Variants in PCDH15 observed in about 807,000 individuals in gnomAD.
PCDH15 encodes protocadherin related 15.
PCDH15 carries 129 observed loss-of-function variants against 178.5 expected under a neutral mutation model. That is an observed-to-expected ratio of 0.72 (90% CI 0.63 to 0.84). PCDH15 has a LOEUF of 0.84. Among genes scored for constraint, PCDH15 ranks in the 40% least tolerant of loss-of-function variants. The probability of loss-of-function intolerance (pLI) is 0.00; values close to 1 mark genes in which losing one functional copy is unlikely to be tolerated. For missense variants in PCDH15, 2,230 were observed against 2,099.9 expected (o/e 1.06, Z -1.21); for synonymous variants, 800 against 732.0 (o/e 1.09, Z -1.50).
chr10:54,521,405 T>C (rs1589865011), intron 3 of PCDH15, among the ~76,000 whole-genome samples: 2 of 152,252 alleles, frequency 1.3e-5, no homozygotes, highest in South Asian at 2.1e-4. Flanking sequence ...TCCTTGCCTG[T>C]CCCGAAGTAT....
chr10:54,642,722 T>C (rs2094020402), intron 2 of PCDH15, among the ~76,000 whole-genome samples: 1 of 152,198 alleles, frequency 6.6e-6, no homozygotes, highest in South Asian at 2.1e-4. Context: ...TTTTACATTG[T>C]TTTTTATACC....
intron 13 of PCDH15, among the ~76,000 whole-genome samples, chr10:54,178,807 A>G (rs1193741739): frequency 1.3e-5 from 2 of 152,198 alleles, no homozygotes; most frequent in Non-Finnish European, 2.9e-5. Flanking sequence ...GCCAAAAAAC[A>G]TGTGAAAAAA....
At chr10:55,516,437 G>T (rs533932669) in intron 2 of PCDH15, among the ~76,000 whole-genome samples, 1 of 152,026 alleles carries the variant, frequency 6.6e-6, no homozygotes, top group Non-Finnish European at 1.5e-5. Context: ...TGTAAAAATG[G>T]ACCAATACAC....
chr10:55,258,007 A>T (rs1842046446), intron 1 of PCDH15, among the ~76,000 whole-genome samples: 1 of 152,216 alleles, frequency 6.6e-6, no homozygotes, highest in Non-Finnish European at 1.5e-5. Flanking sequence ...GAAGCCCATC[A>T]GACTAACAGC....
intron 2 of PCDH15, among the ~76,000 whole-genome samples, chr10:54,937,351 A>G (rs1837933878): frequency 6.6e-6 from 1 of 152,046 alleles, no homozygotes; most frequent in Non-Finnish European, 1.5e-5. Flanking sequence ...CAAGAACAAA[A>G]AAAGCACTTT....
chr10:54,421,864 CACACACTAT>C lies in PCDH15; in HGVS notation c.158-42931_158-42923del, dbSNP rs1565231424. On this transcript the variant is annotated intron_variant, in intron 3 of 37. Transcript: ENST00000644397. ...CACACACACTATATATATATATATACACACACTATATATATATATACACACACACACTAT... is the reference window on the plus strand; with the variant it reads ...CACACACACTATATATATATATATACATATATATATACACACACACACTAT... Among the ~76,000 whole-genome samples the C allele has an allele frequency of 5.8e-4, 39 of 67,296 alleles. 3 individuals carry two copies. Among genetic ancestry groups the C allele is most frequent in the Middle Eastern group, 0.01 (1 of 98 alleles). The allele number at this position is 67,296 out of a possible 152,430, so 44.1% of individuals were successfully genotyped here. A position where few individuals can be genotyped will look rare whatever the true frequency, so the allele number is the denominator to read the frequency against.
chr10:54,647,343 G>A (rs139888323), intron 2 of PCDH15, among the ~76,000 whole-genome samples: 1 of 152,138 alleles, frequency 6.6e-6, no homozygotes, highest in East Asian at 1.9e-4. Flanking sequence ...GGAAAGAATA[G>A]AATGGTGCCA....
At chr10:54,486,948 G>A (rs748900256) in intron 3 of PCDH15, among the ~76,000 whole-genome samples, 2 of 151,944 alleles carry the variant, frequency 1.3e-5, no homozygotes, top group Non-Finnish European at 2.9e-5. Context: ...GGAGGAAGGT[G>A]AGTTAATGAG....
chr10:53,848,662 C>T (rs1191416623), intron 28 of PCDH15, among the ~76,000 whole-genome samples: 1 of 151,704 alleles, frequency 6.6e-6, no homozygotes, highest in Non-Finnish European at 1.5e-5. Flanking sequence ...AAAAATATAC[C>T]TGTATCAATT....
chr10:55,319,918 G>T (rs1321818639), upstream of PCDH15, among the ~76,000 whole-genome samples: 4 of 152,086 alleles, frequency 2.6e-5, no homozygotes, highest in African/African-American at 9.7e-5. Context: ...AGCCTTAGGG[G>T]TACTGTTGGA....
At chr10:54,574,683 C>T (rs2090254599) in intron 2 of PCDH15, among the ~76,000 whole-genome samples, 1 of 149,708 alleles carries the variant, frequency 6.7e-6, no homozygotes, top group South Asian at 2.2e-4. Context: ...GAAATAGGAA[C>T]ACTTTTACAC....
intron 1 of PCDH15, among the ~76,000 whole-genome samples, chr10:55,289,548 T>A (rs1347590577): frequency 6.6e-6 from 1 of 151,616 alleles, no homozygotes; most frequent in South Asian, 2.1e-4. Flanking sequence ...AGAAGAGAGA[T>A]GATCTAAAAA....
At chr10:55,006,046 A>G (rs1360195461) in intron 2 of PCDH15, among the ~76,000 whole-genome samples, 1 of 152,042 alleles carries the variant, frequency 6.6e-6, no homozygotes, top group Non-Finnish European at 1.5e-5. Context: ...GAAAGATTCA[A>G]TCAGGGTAAT....
At chr10:54,146,512 A>G (rs1433130746) in intron 14 of PCDH15, among the ~76,000 whole-genome samples, 1 of 151,906 alleles carries the variant, frequency 6.6e-6, no homozygotes, top group African/African-American at 2.4e-5. Context: ...ATACACGACT[A>G]AAGAATATCC....
chr10:54,203,585 A>C (rs914441185), intron 10 of PCDH15, among the ~76,000 whole-genome samples: 1 of 152,190 alleles, frequency 6.6e-6, no homozygotes, highest in Non-Finnish European at 1.5e-5. Context: ...GATAATGACA[A>C]CATTCTGAGT....
intron 2 of PCDH15, among the ~76,000 whole-genome samples, chr10:55,602,285 C>T (rs1172784617): frequency 6.6e-6 from 1 of 152,194 alleles, no homozygotes; most frequent in African/African-American, 2.4e-5. Context: ...TGACATCAAA[C>T]TGCAAGGCGG....
intron 1 of PCDH15, among the ~76,000 whole-genome samples, chr10:54,754,293 T>C (rs1316420581): frequency 6.6e-6 from 1 of 152,154 alleles, no homozygotes; most frequent in Non-Finnish European, 1.5e-5. Flanking sequence ...GATACTGCAA[T>C]CAACGAACAT....
intron 10 of PCDH15, among the ~76,000 whole-genome samples, chr10:54,201,367 A>G (rs2050211882): frequency 6.6e-6 from 1 of 152,054 alleles, no homozygotes; most frequent in African/African-American, 2.4e-5. Context: ...GTAATACCAC[A>G]TTTTAATTTG....
At chr10:54,449,870 C>G (rs962809447) in intron 3 of PCDH15, among the ~76,000 whole-genome samples, 1 of 151,428 alleles carries the variant, frequency 6.6e-6, no homozygotes, top group African/African-American at 2.4e-5. Context: ...GAATCCATCC[C>G]CCATGGATAC....
Sources: allele counts gnomAD v4.1 joint callset (sites outside exome capture counted in the v4.1 genomes callset), GRCh38; gene constraint gnomAD v4.1.1; transcripts MANE v1.5; gene names NCBI Gene and HGNC (gene_info 2026-07-23, HGNC 2026-07-21).